The following PELI1 variants were observed in gnomAD, a reference collection of about 807,000 sequenced individuals.
PELI1 encodes E3 ubiquitin-protein ligase pellino homolog 1.
Under a neutral mutation model 41.3 loss-of-function variants are expected in PELI1, and 15 were observed. The observed-to-expected ratio is 0.36, with a 90% CI of 0.24 to 0.56. The LOEUF (loss-of-function observed/expected upper bound fraction) is 0.56. Ranked by LOEUF, PELI1 falls within the 20% of genes least tolerant of loss-of-function variation. The pLI is 0.82. For missense variants in PELI1, 403 were observed against 525.5 expected (o/e 0.77, Z 2.28); for synonymous variants, 178 against 180.1 (o/e 0.99, Z 0.09).
chr2:64,092,985 C>G lies in PELI1; in HGVS notation c.*1717G>C, dbSNP rs1680105038. 1 of 152,552 alleles carries G rather than the reference C, an allele frequency of 6.6e-6. No homozygotes were observed. Among genetic ancestry groups the G allele is most frequent in the Admixed American group, 6.5e-5 (1 of 15,280 alleles). 9.4% of individuals were successfully genotyped at this position (152,552 alleles called of 1,614,324 possible). Reference sequence around the variant, plus strand: ...ACAGGACTTGCTTTCTTGCATTAGTCACAAAGCATGTGACAATCTAGAAAA... The same window carrying G: ...ACAGGACTTGCTTTCTTGCATTAGTGACAAAGCATGTGACAATCTAGAAAA... On this transcript the variant is annotated 3_prime_UTR_variant, in exon 7 of 7. Coordinates refer to ENST00000358912, the MANE Select transcript of PELI1 (RefSeq NM_020651.4).
rs537000200 is a variant in PELI1, at chr2:64,104,681, CTTT to C, written c.201+17_201+19del. The C allele has an allele frequency of 0.011, 15,490 of 1,430,554 alleles. No individual in the cohort carries two copies. The highest frequency in any genetic ancestry group is 0.029 in the South Asian group (1,981 of 69,496). 88.6% of individuals were successfully genotyped at this position (1,430,554 alleles called of 1,614,324 possible). A position where few individuals can be genotyped will look rare whatever the true frequency, so the allele number is the denominator to read the frequency against. On this transcript the variant is annotated intron_variant, in intron 3 of 6. Coordinates refer to ENST00000358912, the MANE Select transcript of PELI1 (RefSeq NM_020651.4). ...AAATTCTCCAAGTTAATTTATGTAG[CTTT>C]TTTTTTTTTTTTTTACCTTTGCAGC...
chr2:64,141,885 C>A (rs756699856), intron 1 of PELI1, among the ~76,000 whole-genome samples: 5 of 152,158 alleles, frequency 3.3e-5, no homozygotes, highest in Non-Finnish European at 7.4e-5. Context: ...AGTGACTGAG[C>A]CAAGACAGTG....
At chr2:64,135,548 T>C (rs927719532) in intron 1 of PELI1, among the ~76,000 whole-genome samples, 2 of 152,096 alleles carry the variant, frequency 1.3e-5, no homozygotes, top group Non-Finnish European at 2.9e-5. Context: ...TGAAGAGCAA[T>C]AGGCATGACT....
intron 1 of PELI1, among the ~76,000 whole-genome samples, chr2:64,123,544 A>G (rs1369719089): frequency 1.3e-5 from 2 of 152,394 alleles, no homozygotes; most frequent in East Asian, 1.9e-4. Flanking sequence ...AATAGCCAAT[A>G]TGTACATAAA....
chr2:64,140,370 AT>A (rs1681860088), intron 1 of PELI1, among the ~76,000 whole-genome samples: 1 of 152,196 alleles, frequency 6.6e-6, no homozygotes, highest in African/African-American at 2.4e-5. Flanking sequence ...TACAGGGGCG[AT>A]ACAAGAGTAC....
At position 64,144,356 on chromosome 2, in the gene PELI1, T is replaced by A. The variant is rs929629898; in HGVS notation, c.-345A>T. ...GCGGGACTAGGGCTGCTGCCGCTGC[T>A]GCTAGTGGAGGCGGCGGCGGCGCCC... On this transcript the variant is annotated 5_prime_UTR_variant, in exon 1 of 7. Coordinates refer to ENST00000358912, the MANE Select transcript of PELI1 (RefSeq NM_020651.4). 4 of 151,532 alleles carry A rather than the reference T, an allele frequency of 2.6e-5. No individual in the cohort carries two copies. Among genetic ancestry groups the A allele is most frequent in the Non-Finnish European group, 4.4e-5 (3 of 68,276 alleles). The allele number at this position is 151,532 out of a possible 1,614,324, so 9.4% of individuals were successfully genotyped here.
rs138966069 is a variant in PELI1 at position 64,111,776 on chromosome 2, T to C, written c.-69-3397A>G. Among the ~76,000 whole-genome samples the C allele has an allele frequency of 3.8e-3, 581 of 152,310 alleles. 5 individuals carry two copies. Among genetic ancestry groups the C allele is most frequent in the African/African-American group, 0.014 (564 of 41,568 alleles). ...AGATCTTCTGATATACATGAAATCA[T>C]ACTTTAGTATATAAACATGTATTCA... is the stretch of plus-strand genomic sequence containing the variant. On this transcript the variant is annotated intron_variant, in intron 1 of 6. Coordinates refer to ENST00000358912, the MANE Select transcript of PELI1 (RefSeq NM_020651.4).
chr2:64,132,151 G>C (rs1157563150), intron 1 of PELI1, among the ~76,000 whole-genome samples: 1 of 152,012 alleles, frequency 6.6e-6, no homozygotes, highest in Non-Finnish European at 1.5e-5. Context: ...AATAAAAATA[G>C]CTTCCAATTC....
rs1044257858 is a variant in PELI1 at position 64,100,440 on chromosome 2, C to G, written c.261G>C (p.Val87=). The G allele has an allele frequency of 8.9e-6, 14 of 1,581,140 alleles. No individual in the cohort carries two copies. Among genetic ancestry groups the G allele is most frequent in the Non-Finnish European group, 1.1e-5 (13 of 1,150,390 alleles). Residue 87 remains valine (V), a synonymous_variant, in exon 4 of 7, where the codon GTG becomes GTC. Coordinates refer to ENST00000358912, the MANE Select transcript of PELI1 (RefSeq NM_020651.4). The stretch of plus-strand genomic sequence containing the variant: ...TGCTGTCATGAGTATATTCAACCAC[C>G]ACAGTCTGGGCCCGAGATAAAGTAT... ...ISYTLSRAQT[V]VVEYTHDSNT...
chr2:64,097,713 T>C (rs1680292012), intron 4 of PELI1, among the ~76,000 whole-genome samples: 2 of 152,192 alleles, frequency 1.3e-5, no homozygotes, highest in Non-Finnish European at 2.9e-5. Flanking sequence ...ACTGACCCTC[T>C]ACAAAGATAA....
chr2:64,129,411 C>T (rs994572863), intron 1 of PELI1, among the ~76,000 whole-genome samples: 2 of 152,056 alleles, frequency 1.3e-5, no homozygotes, highest in African/African-American at 2.4e-5. Context: ...TGAAAAAATA[C>T]GAGGCTCAGA....
intron 1 of PELI1, among the ~76,000 whole-genome samples, chr2:64,125,243 A>G (rs1462919428): frequency 6.6e-6 from 1 of 151,930 alleles, no homozygotes; most frequent in Non-Finnish European, 1.5e-5. Flanking sequence ...AAAAGTCCCA[A>G]CCCTCTTAAT....
At chr2:64,136,308 G>A (rs559663455) in intron 1 of PELI1, among the ~76,000 whole-genome samples, 22 of 152,126 alleles carry the variant, frequency 1.4e-4, no homozygotes, top group African/African-American at 4.8e-4. Flanking sequence ...TTTAAAATAC[G>A]TTAAATAATC....
At chr2:64,108,690 G>C (rs906767940) in intron 1 of PELI1, among the ~76,000 whole-genome samples, 5 of 152,192 alleles carry the variant, frequency 3.3e-5, no homozygotes, top group African/African-American at 1.2e-4. Context: ...GAAAAGTGGA[G>C]AGAAGGCAGA....
chr2:64,111,850 C>G (rs1383162747), intron 1 of PELI1, among the ~76,000 whole-genome samples: 3 of 152,108 alleles, frequency 2.0e-5, no homozygotes, highest in Non-Finnish European at 4.4e-5. Context: ...AAAAGTTATA[C>G]AGAAGCTTAA....
intron 6 of PELI1, among the ~76,000 whole-genome samples, chr2:64,095,553 A>C (rs954268833): frequency 7.9e-5 from 12 of 152,238 alleles, no homozygotes; most frequent in African/African-American, 2.9e-4. Context: ...AATATGGTTT[A>C]AGATATACAG....
In PELI1 at chr2:64,093,701, G is replaced by A. The variant is rs554876420; in HGVS notation, c.*1001C>T. On this transcript the variant is annotated 3_prime_UTR_variant, in exon 7 of 7. Coordinates refer to ENST00000358912, the MANE Select transcript of PELI1 (RefSeq NM_020651.4). ...TAGATCTCTAGATTTCCTAATGCCC[G>A]AATAAGGCCAAATACAGAATAATTA... 11 of 152,660 alleles carry A rather than the reference G, an allele frequency of 7.2e-5. No individual in the cohort carries two copies. Among genetic ancestry groups the A allele is most frequent in the African/African-American group, 2.4e-4 (10 of 41,528 alleles). 9.5% of individuals were successfully genotyped at this position (152,660 alleles called of 1,614,324 possible).
chr2:64,122,274 G>A (rs1396458994), intron 1 of PELI1, among the ~76,000 whole-genome samples: 2 of 139,520 alleles, frequency 1.4e-5, no homozygotes, highest in African/African-American at 2.7e-5. Flanking sequence ...CCTCTACGAT[G>A]TCTGAACCTC....
At chr2:64,137,681 T>C (rs568482467) in intron 1 of PELI1, among the ~76,000 whole-genome samples, 1 of 152,262 alleles carries the variant, frequency 6.6e-6, no homozygotes, top group African/African-American at 2.4e-5. Flanking sequence ...TCAGACTGGA[T>C]CTGATTTTTA....
Sources: allele counts gnomAD v4.1 joint callset (sites outside exome capture counted in the v4.1 genomes callset), GRCh38; gene constraint gnomAD v4.1.1; transcripts MANE v1.5; gene names NCBI Gene and HGNC (gene_info 2026-07-23, HGNC 2026-07-21).